The following CDC14B variants were observed in gnomAD, a reference collection of about 807,000 sequenced individuals.
The protein encoded by CDC14B is cell division cycle 14B, also known as dual specificity protein phosphatase CDC14B.
CDC14B carries 22 observed loss-of-function variants against 64.2 expected under a neutral mutation model. The ratio of observed to expected loss-of-function variants is 0.34; its 90% CI spans 0.24 to 0.49. The LOEUF (loss-of-function observed/expected upper bound fraction) is 0.49. Ranked by LOEUF, CDC14B falls within the 20% of genes least tolerant of loss-of-function variation. CDC14B has a pLI of 0.99. For synonymous variants in CDC14B, 191 were observed against 215.8 expected (o/e 0.89, Z 1.01); for missense variants, 498 against 629.9 (o/e 0.79, Z 2.24).
chr9:96,577,789 C>T (rs1844899674), intron 1 of CDC14B, among the ~76,000 whole-genome samples: 1 of 152,192 alleles, frequency 6.6e-6, no homozygotes, highest in Non-Finnish European at 1.5e-5. Flanking sequence ...GATTTACATA[C>T]AACAGAAATT....
At position 96,494,952 on chromosome 9, in the gene CDC14B, A is replaced by C. The variant is rs974130386; in HGVS notation, c.*80+1255T>G. ...CGGGTTCATGCCATTCTCCTGCCTC[A>C]GCCTCCCAAGTAGCTGGGACTACAG... On this transcript the variant is annotated intron_variant and NMD_transcript_variant, in intron 13 of 13. Transcript: ENST00000474602. Among the ~76,000 whole-genome samples, 3 of 150,756 alleles carry C rather than the reference A, an allele frequency of 2.0e-5. No individual in the cohort carries two copies. In the South Asian group the frequency reaches 6.3e-4, roughly 32 times the overall value.
chr9:96,530,916 G>A (rs1400265879), intron 9 of CDC14B, among the ~76,000 whole-genome samples: 3 of 152,130 alleles, frequency 2.0e-5, no homozygotes, highest in African/African-American at 4.8e-5. Flanking sequence ...AGAGATGATC[G>A]TATGGTTTTT....
chr9:96,494,636 C>T (rs548784972), intron 13 of CDC14B, among the ~76,000 whole-genome samples: 30 of 152,336 alleles, frequency 2.0e-4, no homozygotes, highest in Admixed American at 1.0e-3. Context: ...CCCACAGCTA[C>T]GCCTTGGGCC....
At chr9:96,579,065 G>A (rs1414901407) in intron 1 of CDC14B, among the ~76,000 whole-genome samples, 1 of 152,124 alleles carries the variant, frequency 6.6e-6, no homozygotes. Flanking sequence ...TGATCCTCCC[G>A]CCTTGGCCTC....
At chr9:96,591,988 G>T (rs1351525152) in intron 1 of CDC14B, among the ~76,000 whole-genome samples, 3 of 152,090 alleles carry the variant, frequency 2.0e-5, no homozygotes, top group Non-Finnish European at 4.4e-5. Context: ...CTCGTGATCT[G>T]CCCGCCTCGG....
At chr9:96,508,476 A>T (rs1413360076) in intron 13 of CDC14B, among the ~76,000 whole-genome samples, 2 of 152,236 alleles carry the variant, frequency 1.3e-5, no homozygotes, top group African/African-American at 2.4e-5. Context: ...CAATGTACCG[A>T]AATCTTTGAC....
chr9:96,564,613 T>C (rs973988738), intron 3 of CDC14B, among the ~76,000 whole-genome samples, 164 bp downstream of exon 3: 1 of 152,134 alleles, frequency 6.6e-6, no homozygotes, highest in Non-Finnish European at 1.5e-5. Flanking sequence ...AGAAAACAAA[T>C]AGATACACTA....
intron 1 of CDC14B, among the ~76,000 whole-genome samples, chr9:96,616,797 AAAC>A (rs1847659721): frequency 6.6e-6 from 1 of 152,196 alleles, no homozygotes; most frequent in Non-Finnish European, 1.5e-5. Context: ...TAAATTAAGA[AAAC>A]AATAATGGAG....
At chr9:96,555,090 G>A (rs1213848290) in intron 4 of CDC14B, among the ~76,000 whole-genome samples, 1 of 152,200 alleles carries the variant, frequency 6.6e-6, no homozygotes, top group Non-Finnish European at 1.5e-5. Context: ...CTGCTGACCA[G>A]CTGTGATCGC....
Position 96,515,668 on chromosome 9 carries a change from G to C in CDC14B, c.1344-5879C>G, listed in dbSNP as rs1282856691. On this transcript the variant is annotated intron_variant, in intron 12 of 13. Coordinates refer to ENST00000375241, the MANE Select transcript of CDC14B (RefSeq NM_033331.4). The surrounding 1 kb of genome is among the most constrained non-coding windows in gnomAD (Gnocchi z 4.3). Reference sequence around the variant, plus strand: ...ACTTACAGCAGCTATCTGTCAGGGGGTCCTGATGGCTACTGTGTTCTGAAA... The same window carrying C: ...ACTTACAGCAGCTATCTGTCAGGGGCTCCTGATGGCTACTGTGTTCTGAAA... The C allele has an allele frequency of 6.3e-7, 1 of 1,584,416 alleles. No individual in the cohort carries two copies. Among genetic ancestry groups the C allele is most frequent in the Admixed American group, 1.8e-5 (1 of 55,528 alleles).
intron 13 of CDC14B, among the ~76,000 whole-genome samples, chr9:96,508,007 C>G (rs1377000051): frequency 6.6e-6 from 1 of 151,678 alleles, no homozygotes; most frequent in Non-Finnish European, 1.5e-5. Context: ...TAGAGTCATA[C>G]TTCAGAATTT....
At chr9:96,588,566 G>A (rs1467898598) in intron 1 of CDC14B, among the ~76,000 whole-genome samples, 1 of 152,212 alleles carries the variant, frequency 6.6e-6, no homozygotes, top group Middle Eastern at 3.4e-3. Flanking sequence ...GGCTCACTGC[G>A]GCCTCCACCT....
intron 1 of CDC14B, among the ~76,000 whole-genome samples, chr9:96,565,697 T>TA (rs1193100156): frequency 6.6e-6 from 1 of 152,216 alleles, no homozygotes; most frequent in Non-Finnish European, 1.5e-5. Context: ...CCTTTAACCG[T>TA]AAGTTTCAAA....
At chr9:96,615,965 C>T (rs1036262865) in intron 1 of CDC14B, among the ~76,000 whole-genome samples, 1 of 152,244 alleles carries the variant, frequency 6.6e-6, no homozygotes, top group Non-Finnish European at 1.5e-5. Flanking sequence ...CTGGAAAACC[C>T]CCAAATAACC....
intron 1 of CDC14B, among the ~76,000 whole-genome samples, chr9:96,580,694 A>G (rs1043677280): frequency 2.0e-5 from 3 of 152,170 alleles, no homozygotes; most frequent in Admixed American, 2.0e-4. Context: ...GAAGCAATGG[A>G]CAGGTGTTCA....
rs1833632472 is a variant in CDC14B at position 96,502,437 on chromosome 9, C to A, written c.*1316G>T. 1 of 161,462 alleles carries A rather than the reference C, an allele frequency of 6.2e-6. No individual in the cohort carries two copies. The highest frequency in any genetic ancestry group is 1.3e-5 in the Non-Finnish European group (1 of 74,448). The allele number at this position is 161,462 out of a possible 1,614,324, so 10.0% of individuals were successfully genotyped here. A position where few individuals can be genotyped will look rare whatever the true frequency, so the allele number is the denominator to read the frequency against. On this transcript the variant is annotated 3_prime_UTR_variant, in exon 14 of 14. Transcript: ENST00000375241. ...AGTTGCCTACTAATCTGGCGCACGC[C>A]TTGTGGCTTAGGAGGGCATTTGTTT...
chr9:96,544,930 A>C (rs1840594017), intron 5 of CDC14B, among the ~76,000 whole-genome samples: 1 of 152,202 alleles, frequency 6.6e-6, no homozygotes, highest in African/African-American at 2.4e-5. Context: ...AATATTCAGA[A>C]AGAAAAAAAC....
At chr9:96,601,614 G>A (rs927174956) in intron 1 of CDC14B, among the ~76,000 whole-genome samples, 1 of 151,338 alleles carries the variant, frequency 6.6e-6, no homozygotes, top group Non-Finnish European at 1.5e-5. Context: ...GGGCAACATG[G>A]TGAAACCCCA....
At chr9:96,550,364 C>T (rs1587927139) in intron 5 of CDC14B, among the ~76,000 whole-genome samples, 2 of 152,164 alleles carry the variant, frequency 1.3e-5, no homozygotes, top group Admixed American at 6.5e-5. Flanking sequence ...TTCAGACTGC[C>T]CTGACAAATT....
Sources: allele counts gnomAD v4.1 joint callset (sites outside exome capture counted in the v4.1 genomes callset), GRCh38; gene constraint gnomAD v4.1.1; non-coding constraint Gnocchi (gnomAD v3.1); transcripts MANE v1.5; gene names NCBI Gene and HGNC (gene_info 2026-07-23, HGNC 2026-07-21).